Variants in EPN2 observed in about 807,000 individuals in gnomAD.
The protein encoded by EPN2 is epsin 2, also known as epsin-2.
In EPN2, 34 loss-of-function variants were observed where a neutral mutation model predicts 61.7. The ratio of observed to expected loss-of-function variants is 0.55; its 90% CI spans 0.42 to 0.73. The LOEUF is 0.73. Ranked by LOEUF, EPN2 falls within the 30% of genes least tolerant of loss-of-function variation. The pLI is 0.00. For synonymous variants in EPN2, 349 were observed against 353.6 expected (o/e 0.99, Z 0.15); for missense variants, 714 against 839.2 (o/e 0.85, Z 1.84).
chr17:19,266,062 C>T (rs537774963), intron 1 of EPN2, among the ~76,000 whole-genome samples: 6 of 152,188 alleles, frequency 3.9e-5, no homozygotes, highest in Admixed American at 6.5e-5. Flanking sequence ...TTCCTACTTC[C>T]GCCTCTGCCC....
chr17:19,300,274 G>A, intron 4 of EPN2, among the ~76,000 whole-genome samples: 1 of 152,144 alleles, frequency 6.6e-6, no homozygotes, highest in Non-Finnish European at 1.5e-5. Flanking sequence ...CACGCCATTA[G>A]CCCCCAGAGC....
chr17:19,252,652 A>G (rs1216747335), intron 1 of EPN2, among the ~76,000 whole-genome samples: 3 of 152,108 alleles, frequency 2.0e-5, no homozygotes, highest in African/African-American at 7.2e-5. Flanking sequence ...TTTGAAGCTG[A>G]TTTTTTAAAA....
At chr17:19,252,094 A>AT (rs1396771078) in intron 1 of EPN2, among the ~76,000 whole-genome samples, 1 of 151,952 alleles carries the variant, frequency 6.6e-6, no homozygotes, top group Non-Finnish European at 1.5e-5. Flanking sequence ...GAAGTTTCTG[A>AT]TTTTGGAACA....
At chr17:19,315,561 A>G (rs530291771) in intron 7 of EPN2, among the ~76,000 whole-genome samples, 1 of 152,056 alleles carries the variant, frequency 6.6e-6, no homozygotes, top group Admixed American at 6.5e-5. Flanking sequence ...ATCTTAGCTC[A>G]TTGCAACCTT....
chr17:19,332,107 G>T (rs367607670), intron 10 of EPN2, 39 bp downstream of exon 10: 101 of 1,493,638 alleles, frequency 6.8e-5, no homozygotes, highest in Non-Finnish European at 8.8e-5. Flanking sequence ...TGCCTGCTGT[G>T]CCTGGGAATG....
Position 19,273,442 on chromosome 17 carries a change from G to C in EPN2, c.-293-8513G>C, listed in dbSNP as rs184298083. On this transcript the variant is annotated intron_variant, in intron 1 of 10. Coordinates refer to ENST00000314728, the MANE Select transcript of EPN2 (RefSeq NM_014964.5). ...ACTGTCTAGAAGTCAAGTCTGAAAT[G>C]TTTGTTTTTCTTCAAAATTCTTTAA... 4.5e-3 allele frequency among the ~76,000 whole-genome samples: 682 copies of C among 152,190 alleles called. 8 individuals carry two copies. The highest frequency in any genetic ancestry group is 0.027 in the South Asian group (128 of 4,816).
intron 1 of EPN2, among the ~76,000 whole-genome samples, chr17:19,253,529 C>T (rs1374452519): frequency 6.6e-6 from 1 of 151,452 alleles, no homozygotes; most frequent in African/African-American, 2.4e-5. Context: ...ATCTTCCCAC[C>T]TCAGCCTCCT....
At chr17:19,306,284 GCA>G (rs1283264990) in intron 4 of EPN2, 2 of 152,274 alleles carry the variant, frequency 1.3e-5, no homozygotes, top group Non-Finnish European at 2.9e-5. Context: ...ATGTGCATGG[GCA>G]CAAGAGGCCC....
At chr17:19,312,760 C>T (rs144073803) in intron 6 of EPN2, among the ~76,000 whole-genome samples, 2 of 152,336 alleles carry the variant, frequency 1.3e-5, no homozygotes, top group African/African-American at 2.4e-5. Context: ...GAGGAGGGCC[C>T]TCAGGCTGGC....
intron 1 of EPN2, among the ~76,000 whole-genome samples, chr17:19,244,647 A>G (rs2152199269): frequency 1.3e-5 from 2 of 152,118 alleles, no homozygotes; most frequent in South Asian, 4.2e-4. Context: ...TTCAGTGGTA[A>G]TTATCAACTT....
intron 1 of EPN2, among the ~76,000 whole-genome samples, chr17:19,237,907 C>G (rs978362355): frequency 2.6e-5 from 4 of 152,246 alleles, no homozygotes; most frequent in Admixed American, 1.3e-4. Context: ...CGCCCCCTCC[C>G]CAGAGCACGT....
chr17:19,272,098 A>G (rs1013399052), intron 1 of EPN2, among the ~76,000 whole-genome samples: 1 of 152,222 alleles, frequency 6.6e-6, no homozygotes, highest in African/African-American at 2.4e-5. Flanking sequence ...ATGGTAGTCC[A>G]TAGCTCGGCC....
chr17:19,298,483 G>A (rs560413897), intron 4 of EPN2, among the ~76,000 whole-genome samples: 12 of 152,342 alleles, frequency 7.9e-5, no homozygotes, highest in East Asian at 1.9e-4. Context: ...AATTATAGGC[G>A]TGAGCCACGG....
intron 7 of EPN2, among the ~76,000 whole-genome samples, chr17:19,319,110 A>T (rs1477922166): frequency 6.6e-6 from 1 of 151,568 alleles, no homozygotes; most frequent in Non-Finnish European, 1.5e-5. Flanking sequence ...AGGCATGAGA[A>T]TCGCTTGAAC....
At chr17:19,297,056 A>G (rs1347464860) in intron 4 of EPN2, 2 of 152,262 alleles carry the variant, frequency 1.3e-5, no homozygotes, top group Non-Finnish European at 2.9e-5. Context: ...ACATTTTAAC[A>G]GTTGTACATA....
intron 1 of EPN2, among the ~76,000 whole-genome samples, chr17:19,273,755 C>G (rs2045278955): frequency 6.6e-6 from 1 of 152,182 alleles, no homozygotes; most frequent in African/African-American, 2.4e-5. Flanking sequence ...TTGGCTGAAT[C>G]TCACTGTTTT....
At chr17:19,307,644 G>A (rs779157816) in intron 4 of EPN2, among the ~76,000 whole-genome samples, 3 of 152,112 alleles carry the variant, frequency 2.0e-5, no homozygotes, top group Non-Finnish European at 2.9e-5. Flanking sequence ...TGCCCGGCCC[G>A]TTCCAAAGTA....
chr17:19,303,049 T>A (rs548547419), intron 4 of EPN2, among the ~76,000 whole-genome samples: 1 of 152,352 alleles, frequency 6.6e-6, no homozygotes, highest in Admixed American at 6.5e-5. Flanking sequence ...TCAGTCGCTT[T>A]CCTGGGTGGA....
At chr17:19,291,970 C>T (rs1275753690) in intron 4 of EPN2, among the ~76,000 whole-genome samples, 1 of 152,142 alleles carries the variant, frequency 6.6e-6, no homozygotes, top group African/African-American at 2.4e-5. Context: ...GACACATGTG[C>T]ACTTACACCA....
Sources: allele counts gnomAD v4.1 joint callset (sites outside exome capture counted in the v4.1 genomes callset), GRCh38; gene constraint gnomAD v4.1.1; transcripts MANE v1.5; gene names NCBI Gene and HGNC (gene_info 2026-07-23, HGNC 2026-07-21).